The following OSBP2 variants were observed in gnomAD, a reference collection of about 807,000 sequenced individuals.
OSBP2 encodes the protein oxysterol binding protein 2.
In OSBP2, 66 loss-of-function variants were observed where a neutral mutation model predicts 96.0. The ratio of observed to expected loss-of-function variants is 0.69; its 90% CI spans 0.56 to 0.84. OSBP2 has a LOEUF of 0.84. OSBP2 is among the 40% of genes least tolerant of loss of function. OSBP2 has a pLI of 0.00. For synonymous variants in OSBP2, 525 were observed against 520.9 expected (o/e 1.01, Z -0.11); for missense variants, 1,038 against 1,222.7 (o/e 0.85, Z 2.25).
intron 2 of OSBP2, among the ~76,000 whole-genome samples, chr22:30,776,244 G>T (rs2090434740): frequency 6.6e-6 from 1 of 151,396 alleles, no homozygotes; most frequent in African/African-American, 2.4e-5. Context: ...TCCCACTTCA[G>T]CCTCCAAAGT....
chr22:30,719,571 A>G lies in OSBP2; in HGVS notation c.645-21590A>G, dbSNP rs375364349. 3.6e-4 allele frequency among the ~76,000 whole-genome samples: 55 copies of G among 152,118 alleles called. No individual in the cohort carries two copies. In the East Asian group the frequency reaches 6.2e-3, roughly 17 times the overall value. ...GGAGTTTGAGACCAGCCTGGCCAAC[A>G]TGGCAAAATCCCATCTCTACCAAAG... On this transcript the variant is annotated intron_variant, in intron 1 of 13. Transcript: ENST00000332585.
rs925850629 is a variant in OSBP2 at position 30,841,897 on chromosome 22, G to A, written c.854-28532G>A. On this transcript the variant is annotated intron_variant, in intron 2 of 13. Transcript: ENST00000332585. Reference sequence around the variant, plus strand: ...TGCACCTGTAATCCTGACTACTTGGGATTGAACCACTGCATTCTAGCCTGG... The same window carrying A: ...TGCACCTGTAATCCTGACTACTTGGAATTGAACCACTGCATTCTAGCCTGG... Among the ~76,000 whole-genome samples the A allele has an allele frequency of 2.0e-5, 3 of 152,044 alleles. No individual in the cohort carries two copies. The South Asian group carries it at 6.2e-4, about 31-fold the overall frequency.
chr22:30,836,711 A>T (rs537593407), intron 2 of OSBP2, among the ~76,000 whole-genome samples: 1 of 152,310 alleles, frequency 6.6e-6, no homozygotes, highest in Admixed American at 6.5e-5. Flanking sequence ...AGTGGGATGC[A>T]GCAGGGCAGG....
At position 30,887,569 on chromosome 22, in the gene OSBP2, C is replaced by T; in HGVS notation, c.1251C>T (p.Phe417=). ...AKQHNSLERA[F]HSAPGRPANP... ...AGCACAACAGCCTCGAGCGGGCCTTCCACAGTGCCCCTGGCCGGCCGGCCA... is the reference window on the plus strand; with the variant it reads ...AGCACAACAGCCTCGAGCGGGCCTTTCACAGTGCCCCTGGCCGGCCGGCCA... The change falls in exon 4 of 14, where the codon TTC becomes TTT. Residue 417 remains phenylalanine (F), a synonymous_variant. Transcript: ENST00000332585. 7 of 1,612,840 alleles carry T rather than the reference C, an allele frequency of 4.3e-6. No homozygotes were observed. The highest frequency in any genetic ancestry group is 5.9e-6 in the Non-Finnish European group (7 of 1,179,742).
chr22:30,727,894 C>G (rs909306176), intron 1 of OSBP2, among the ~76,000 whole-genome samples: 7 of 151,730 alleles, frequency 4.6e-5, no homozygotes, highest in African/African-American at 7.3e-5. Context: ...ATCACAAGGT[C>G]AAGAGATCAA....
At chr22:30,847,661 A>G (rs981903993) in intron 2 of OSBP2, among the ~76,000 whole-genome samples, 3 of 152,160 alleles carry the variant, frequency 2.0e-5, no homozygotes, top group African/African-American at 7.2e-5. Flanking sequence ...AAACTATAGA[A>G]TCAATTTCAT....
chr22:30,804,916 T>G (rs2090906746), intron 2 of OSBP2, among the ~76,000 whole-genome samples: 1 of 152,194 alleles, frequency 6.6e-6, no homozygotes, highest in African/African-American at 2.4e-5. Flanking sequence ...ATCGTTTTTG[T>G]TTTGGGAAAA....
chr22:30,809,798 G>A (rs935431418), intron 2 of OSBP2, among the ~76,000 whole-genome samples: 2 of 152,218 alleles, frequency 1.3e-5, no homozygotes, highest in Non-Finnish European at 2.9e-5. Flanking sequence ...AGCTAGAGGT[G>A]TGGCTGGTCG....
chr22:30,865,414 C>A (rs1372727199), intron 2 of OSBP2, among the ~76,000 whole-genome samples: 1 of 152,116 alleles, frequency 6.6e-6, no homozygotes, highest in Non-Finnish European at 1.5e-5. Context: ...CACTTGAGGT[C>A]AGGAGTTTGA....
At chr22:30,780,737 A>T (rs1179454317) in intron 2 of OSBP2, among the ~76,000 whole-genome samples, 2 of 152,184 alleles carry the variant, frequency 1.3e-5, no homozygotes, top group Non-Finnish European at 1.5e-5. Flanking sequence ...ACCTCAGGTG[A>T]TCCGCTCGTC....
At chr22:30,874,043 C>T (rs2039520388) in intron 3 of OSBP2, among the ~76,000 whole-genome samples, 1 of 152,164 alleles carries the variant, frequency 6.6e-6, no homozygotes, top group Non-Finnish European at 1.5e-5. Context: ...TCAAGACCAG[C>T]ATGGCCAACA....
At chr22:30,862,230 C>T (rs538323095) in intron 2 of OSBP2, among the ~76,000 whole-genome samples, 57 of 152,346 alleles carry the variant, frequency 3.7e-4, no homozygotes, top group African/African-American at 1.1e-3. Context: ...GCAGGGCTTC[C>T]GCTCCCCGCC....
intron 2 of OSBP2, among the ~76,000 whole-genome samples, chr22:30,856,105 G>A (rs2039071365): frequency 6.6e-6 from 1 of 152,214 alleles, no homozygotes; most frequent in African/African-American, 2.4e-5. Context: ...GACTGGGGTA[G>A]AAAAACCTGC....
At position 30,881,538 on chromosome 22, in the gene OSBP2, C is replaced by A; in HGVS notation, c.1108-5888C>A. On this transcript the variant is annotated intron_variant, in intron 3 of 13. Coordinates refer to ENST00000332585, the MANE Select transcript of OSBP2 (RefSeq NM_030758.4). This position sits in a 1 kb window ranked among gnomAD's most constrained non-coding sequence, Gnocchi z 4.5. ...GGCCCCAGGTAGAGTTGTCACACAG[C>A]CTCAGAGAAATGAGACCACGTTCAG... The A allele has an allele frequency of 1.7e-6, 1 of 586,320 alleles. No individual in the cohort carries two copies. The highest frequency in any genetic ancestry group is 2.6e-6 in the Non-Finnish European group (1 of 384,660). 36.3% of individuals were successfully genotyped at this position (586,320 alleles called of 1,614,324 possible). A position where few individuals can be genotyped will look rare whatever the true frequency, so the allele number is the denominator to read the frequency against.
At chr22:30,820,223 A>C (rs1448136259) in intron 2 of OSBP2, among the ~76,000 whole-genome samples, 1 of 151,940 alleles carries the variant, frequency 6.6e-6, no homozygotes, top group Non-Finnish European at 1.5e-5. Context: ...TCTACAAAAA[A>C]TAAAAATAAA....
intron 3 of OSBP2, among the ~76,000 whole-genome samples, chr22:30,886,313 C>T (rs2039807969): frequency 6.6e-6 from 1 of 152,108 alleles, no homozygotes; most frequent in South Asian, 2.1e-4. Context: ...CTGGTTGGCA[C>T]TTGGTTGAGT....
At chr22:30,790,025 C>T (rs2090650010) in intron 2 of OSBP2, among the ~76,000 whole-genome samples, 1 of 152,082 alleles carries the variant, frequency 6.6e-6, no homozygotes, top group Non-Finnish European at 1.5e-5. Flanking sequence ...AAGCAATGTG[C>T]AAGGGGAGAG....
intron 1 of OSBP2, among the ~76,000 whole-genome samples, chr22:30,705,281 TTTGTTGTTGTTG>T (rs58817033): frequency 1.4e-4 from 21 of 150,506 alleles, no homozygotes; most frequent in Non-Finnish European, 2.5e-4. Flanking sequence ...CCCCAGTATT[TTTGTTGTTGTTG>T]TTGTTGTTGT....
Position 30,907,195 on chromosome 22 carries a change from C to T in OSBP2, c.*856C>T, listed in dbSNP as rs990561233. 1 of 152,628 alleles carries T rather than the reference C, an allele frequency of 6.6e-6. No individual in the cohort carries two copies. Among genetic ancestry groups the T allele is most frequent in the Non-Finnish European group, 1.5e-5 (1 of 68,056 alleles). The allele number at this position is 152,628 out of a possible 1,614,324, so 9.5% of individuals were successfully genotyped here. A position where few individuals can be genotyped will look rare whatever the true frequency, so the allele number is the denominator to read the frequency against. On this transcript the variant is annotated 3_prime_UTR_variant, in exon 14 of 14. Coordinates refer to ENST00000332585, the MANE Select transcript of OSBP2 (RefSeq NM_030758.4). ...CAGGCCCCAAATCAGCAATAATGAA[C>T]AAACCCTTGGCCCAGCCTGGGCTGG...
Sources: allele counts gnomAD v4.1 joint callset (sites outside exome capture counted in the v4.1 genomes callset), GRCh38; gene constraint gnomAD v4.1.1; non-coding constraint Gnocchi (gnomAD v3.1); transcripts MANE v1.5; gene names NCBI Gene and HGNC (gene_info 2026-07-23, HGNC 2026-07-21).